The following AHDC1 variants were observed in gnomAD, a reference collection of about 807,000 sequenced individuals.
AHDC1 encodes AT-hook DNA binding motif containing 1, also known as transcription factor Gibbin.
Under a neutral mutation model 87.9 loss-of-function variants are expected in AHDC1, and 7 were observed. That is an observed-to-expected ratio of 0.08 (90% CI 0.05 to 0.15). AHDC1 has a LOEUF of 0.15. Ranked by LOEUF, AHDC1 falls within the 10% of genes least tolerant of loss-of-function variation. The pLI is 1.00. For missense variants in AHDC1, 1,841 were observed against 2,253.2 expected, an observed-to-expected ratio of 0.82 and a Z score of 3.70; for synonymous variants, 1,051 against 1,006.8, an observed-to-expected ratio of 1.04 and a Z score of -0.83.
At chr1:27,574,352 T>C (rs2088637310) in intron 3 of AHDC1, among the ~76,000 whole-genome samples, 1 of 152,060 alleles carries the variant, frequency 6.6e-6, no homozygotes, top group Non-Finnish European at 1.5e-5. Flanking sequence ...AGGATGGGGC[T>C]GGATGTCACA....
intron 8 of AHDC1, among the ~76,000 whole-genome samples, chr1:27,540,929 GAGC>G (rs2018875945): frequency 6.7e-6 from 1 of 148,644 alleles, no homozygotes; most frequent in Admixed American, 6.8e-5. Flanking sequence ...GGAGTCACAG[GAGC>G]AGATGTGTTT....
intron 8 of AHDC1, among the ~76,000 whole-genome samples, chr1:27,543,544 C>G (rs1371439555): frequency 2.6e-5 from 4 of 152,220 alleles, no homozygotes; most frequent in African/African-American, 9.6e-5. Context: ...ATGCCCTTCC[C>G]CCGGTCTCCA....
At chr1:27,559,286 G>A (rs780949672) in intron 3 of AHDC1, among the ~76,000 whole-genome samples, 7 of 151,976 alleles carry the variant, frequency 4.6e-5, no homozygotes, top group Non-Finnish European at 8.8e-5. Context: ...GAACTCCTGG[G>A]CTCAAGCAAT....
rs745613671 is a variant in AHDC1, at chr1:27,548,796, T to A, written c.3320A>T (p.Gln1107Leu). ...TCCATAGCCCTGCCGGAAAGGCCAC[T>A]GAGAAGCCCCCGCAAACTGCCGACA... ...ENCRQFAGAS[Q>L]WPFRQGYGGL... The change falls in exon 8 of 9, where the codon CAG (glutamine) becomes CTG (leucine). Residue 1107 changes from glutamine to leucine, a missense_variant. Physicochemically the swap from Gln to Leu is moderately radical, Grantham distance 113. Around this residue, in one of 13 missense-constraint regions of AHDC1, gnomAD observed 378 missense variants for 399.0 expected, o/e 0.95. Transcript: ENST00000673934. The A allele has an allele frequency of 1.2e-6, 2 of 1,612,836 alleles. No individual in the cohort carries two copies. Among genetic ancestry groups the A allele is most frequent in the South Asian group, 2.2e-5 (2 of 91,078 alleles).
chr1:27,575,708 A>G (rs895898646), intron 3 of AHDC1, among the ~76,000 whole-genome samples: 2 of 151,390 alleles, frequency 1.3e-5, no homozygotes, highest in African/African-American at 2.4e-5. Context: ...CCGGCCGGGT[A>G]GCCACGTCTG....
Position 27,595,945 on chromosome 1 carries a change from G to T in AHDC1, c.-629+7452C>A, listed in dbSNP as rs1201379684. On this transcript the variant is annotated intron_variant, in intron 3 of 8. Transcript: ENST00000673934. The surrounding 1 kb of genome is among the most constrained non-coding windows in gnomAD (Gnocchi z 4.0). ...GCTGGGTGTTGTAGGTGGAGCAGTTGTGTTTTAGAGGTGTTAGAGCTGTGA... is the reference window on the plus strand; with the variant it reads ...GCTGGGTGTTGTAGGTGGAGCAGTTTTGTTTTAGAGGTGTTAGAGCTGTGA... Among the ~76,000 whole-genome samples, 1 of 151,882 alleles carries T rather than the reference G, an allele frequency of 6.6e-6. No homozygotes were observed. The highest frequency in any genetic ancestry group is 6.6e-5 in the Admixed American group (1 of 15,246).
rs1310450987 is a variant in AHDC1, at chr1:27,560,796, G to A, written c.-628-1913C>T. Among the ~76,000 whole-genome samples, 2 of 152,172 alleles carry A rather than the reference G, an allele frequency of 1.3e-5. No individual in the cohort carries two copies. The highest frequency in any genetic ancestry group is 1.3e-4 in the Admixed American group (2 of 15,294). On this transcript the variant is annotated intron_variant, in intron 3 of 8. Coordinates refer to ENST00000673934, the MANE Select transcript of AHDC1 (RefSeq NM_001371928.1). The surrounding 1 kb of genome is among the most constrained non-coding windows in gnomAD (Gnocchi z 4.1). ...TGAGCAGGTCTGTGTGCCATGGTGT[G>A]TCAGCACAACGGTGCCCCAGGGTTT...
At chr1:27,604,191 G>C (rs1308740519), upstream of AHDC1, 1 of 152,180 alleles carries the variant, frequency 6.6e-6, no homozygotes, top group South Asian at 1.9e-4. Context: ...ACCCCAGGGG[G>C]GAGCGCGCGC....
intron 8 of AHDC1, among the ~76,000 whole-genome samples, chr1:27,546,898 T>C (rs2019192971): frequency 6.6e-6 from 1 of 152,172 alleles, no homozygotes; most frequent in East Asian, 1.9e-4. Context: ...CCCACCCTTA[T>C]CAGCGTATTT....
rs1297653912 is a variant in AHDC1 at position 27,558,051 on chromosome 1, T to C, written c.-225+254A>G. Among the ~76,000 whole-genome samples, 4 of 152,156 alleles carry C rather than the reference T, an allele frequency of 2.6e-5. No homozygotes were observed. The highest frequency in any genetic ancestry group is 9.7e-5 in the African/African-American group (4 of 41,436). On this transcript the variant is annotated intron_variant, in intron 5 of 8. Transcript: ENST00000673934. This position sits in a 1 kb window ranked among gnomAD's most constrained non-coding sequence, Gnocchi z 5.6. Reference sequence around the variant, plus strand: ...AGACCTCAGGCCCCAGGAATGCTCCTTTGGAAGTAGGGTGGGGTCCCCAGG... The same window carrying C: ...AGACCTCAGGCCCCAGGAATGCTCCCTTGGAAGTAGGGTGGGGTCCCCAGG...
chr1:27,592,445 G>A (rs1484810014), intron 3 of AHDC1, among the ~76,000 whole-genome samples: 2 of 152,202 alleles, frequency 1.3e-5, no homozygotes, highest in Non-Finnish European at 2.9e-5. Flanking sequence ...AGATGGGGAG[G>A]AGAAGACCAC....
rs561494551 is a variant in AHDC1, at chr1:27,584,009, A to T, written c.-629+19388T>A. Reference sequence around the variant, plus strand: ...CCCTTATGATCTGCAGTGACTGGAAACATGTCTGGCACCCAGCAGGTGCTT... The same window carrying T: ...CCCTTATGATCTGCAGTGACTGGAATCATGTCTGGCACCCAGCAGGTGCTT... On this transcript the variant is annotated intron_variant, in intron 3 of 8. Transcript: ENST00000673934. 3.3e-5 allele frequency among the ~76,000 whole-genome samples: 5 copies of T among 152,322 alleles called. No individual in the cohort carries two copies. In the South Asian group the frequency reaches 1.0e-3, roughly 32 times the overall value.
chr1:27,537,019 G>A (rs1309386988), intron 8 of AHDC1, among the ~76,000 whole-genome samples: 2 of 152,142 alleles, frequency 1.3e-5, no homozygotes, highest in African/African-American at 2.4e-5. Flanking sequence ...CGCCCATCGC[G>A]TCTCACCTTC....
At chr1:27,569,907 GCGGCACTGTGA>G (rs2020494898) in intron 3 of AHDC1, among the ~76,000 whole-genome samples, 1 of 152,070 alleles carries the variant, frequency 6.6e-6, no homozygotes, top group East Asian at 1.9e-4. Flanking sequence ...CCTGGGGGAG[GCGGCACTGTGA>G]TGCCCTGAGT....
chr1:27,570,335 C>T (rs1009150360), intron 3 of AHDC1, among the ~76,000 whole-genome samples: 25 of 152,088 alleles, frequency 1.6e-4, no homozygotes, highest in African/African-American at 4.6e-4. Context: ...TCGCCCCCCA[C>T]CCCTCATCCC....
In AHDC1 at chr1:27,548,429, G is replaced by C; in HGVS notation, c.3687C>G (p.Ser1229=). The C allele has an allele frequency of 1.9e-6, 3 of 1,612,524 alleles. No individual in the cohort carries two copies. The highest frequency in any genetic ancestry group is 1.7e-6 in the Non-Finnish European group (2 of 1,178,926). ...TCTTCCGCCGTCCACGGCCCGGCTT[G>C]GAGCTACTCTGAAAGAGGACACTCT... The part of the protein sequence containing the change: ...WNQSVLFQSS[S]KPGRGRRKKV... The change falls in exon 8 of 9, where the codon TCC becomes TCG. Residue 1229 remains serine, a synonymous_variant. Transcript: ENST00000673934.
chr1:27,601,666 G>GCA (rs1472156580), intron 3 of AHDC1, among the ~76,000 whole-genome samples: 1 of 152,212 alleles, frequency 6.6e-6, no homozygotes, highest in Non-Finnish European at 1.5e-5. Flanking sequence ...CAAGCAGCAT[G>GCA]CACATGCCAC....
intron 3 of AHDC1, among the ~76,000 whole-genome samples, chr1:27,577,864 C>T (rs867518339): frequency 1.3e-5 from 2 of 152,154 alleles, no homozygotes; most frequent in South Asian, 2.1e-4. Flanking sequence ...TACTGAATAC[C>T]CTGAGAGGCC....
chr1:27,600,378 G>A (rs532315000), intron 3 of AHDC1, among the ~76,000 whole-genome samples: 8 of 152,074 alleles, frequency 5.3e-5, no homozygotes, highest in African/African-American at 1.9e-4. Flanking sequence ...CAGACCAGAA[G>A]GGCCTGGGCA....
Sources: gnomAD v4.1 joint callset for allele counts (sites outside exome capture counted in the v4.1 genomes callset) on GRCh38, gnomAD v4.1.1 for gene constraint, gnomAD v4.1.1 regional missense constraint, Gnocchi (gnomAD v3.1) non-coding constraint, MANE v1.5 for transcripts, NCBI Gene and HGNC (gene_info 2026-07-23, HGNC 2026-07-21) for gene names.